Variants in RAD51B observed in about 807,000 individuals in gnomAD.
The protein encoded by RAD51B is DNA repair protein RAD51 homolog 2.
RAD51B carries 38 observed loss-of-function variants against 42.2 expected under a neutral mutation model. The ratio of observed to expected loss-of-function variants is 0.90; its 90% CI spans 0.70 to 1.18. The LOEUF (loss-of-function observed/expected upper bound fraction) is 1.18. Ranked by LOEUF, RAD51B falls within the 50% of genes most tolerant of loss-of-function variation. The pLI, the probability that RAD51B is intolerant of heterozygous loss-of-function variation, is 0.00. For missense variants in RAD51B, 373 were observed against 400.7 expected, an observed-to-expected ratio of 0.93 and a Z score of 0.59; for synonymous variants, 154 against 145.2, an observed-to-expected ratio of 1.06 and a Z score of -0.43.
Position 68,542,278 on chromosome 14 carries a change from A to C in RAD51B, c.1037-52207A>C, listed in dbSNP as rs1466874429. Among the ~76,000 whole-genome samples the C allele has an allele frequency of 2.0e-5, 3 of 152,106 alleles. No homozygotes were observed. The East Asian group carries it at 5.8e-4, about 29-fold the overall frequency. On this transcript the variant is annotated intron_variant, in intron 10 of 10. Transcript: ENST00000487270. ...TGGCTTGACTTCTTGTTACATGCAA[A>C]TATTTGGTCATTGTCTTCACTTTGT...
Position 67,864,768 on chromosome 14 carries a change from A to C in RAD51B, c.316-235A>C, listed in dbSNP as rs1331569792. ...AATACAGTGGATGATTTGAGTGACT[A>C]TTTTCTCAATTCCTCCAAGGATGGT... is the stretch of plus-strand genomic sequence containing the variant. On this transcript the variant is annotated intron_variant, in intron 4 of 10. Coordinates refer to ENST00000471583, the MANE Select transcript of RAD51B (RefSeq NM_133510.4). 3 of 676,634 alleles carry C rather than the reference A, an allele frequency of 4.4e-6. No individual in the cohort carries two copies. In the South Asian group the frequency reaches 4.5e-5, roughly 10 times the overall value. 41.9% of individuals were successfully genotyped at this position (676,634 alleles called of 1,614,324 possible).
intron 8 of RAD51B, among the ~76,000 whole-genome samples, chr14:68,369,836 T>C (rs1418959098): frequency 6.6e-6 from 1 of 152,142 alleles, no homozygotes; most frequent in Non-Finnish European, 1.5e-5. Flanking sequence ...ATACTATATA[T>C]CTATATCTGT....
chr14:67,923,715 T>C (rs2140140564), intron 7 of RAD51B, among the ~76,000 whole-genome samples: 1 of 152,350 alleles, frequency 6.6e-6, no homozygotes, highest in African/African-American at 2.4e-5. Flanking sequence ...TTTCATGTAA[T>C]GACTTCTTTT....
At chr14:68,567,386 T>C (rs908011199) in intron 10 of RAD51B, among the ~76,000 whole-genome samples, 15 of 152,170 alleles carry the variant, frequency 9.9e-5, no homozygotes, top group African/African-American at 3.4e-4. Flanking sequence ...AGAGTTCTCA[T>C]ATACCCCTGT....
chr14:68,386,425 T>C (rs1247611446), intron 8 of RAD51B, among the ~76,000 whole-genome samples: 1 of 152,216 alleles, frequency 6.6e-6, no homozygotes, highest in African/African-American at 2.4e-5. Context: ...AGCAATAACA[T>C]ACCTTTCCCC....
chr14:68,372,967 A>G (rs1174829381), intron 8 of RAD51B, among the ~76,000 whole-genome samples: 1 of 152,256 alleles, frequency 6.6e-6, no homozygotes, highest in Non-Finnish European at 1.5e-5. Context: ...TGAAAGAAGC[A>G]TAGTATGGAT....
chr14:68,467,134 G>A (rs1219527946), intron 9 of RAD51B, among the ~76,000 whole-genome samples: 1 of 152,124 alleles, frequency 6.6e-6, no homozygotes, highest in Non-Finnish European at 1.5e-5. Context: ...ATCTTCTTCA[G>A]TAGAAATACT....
intron 11 of RAD51B, among the ~76,000 whole-genome samples, chr14:68,668,892 A>G (rs552161809): frequency 1.7e-4 from 26 of 152,250 alleles, no homozygotes; most frequent in Non-Finnish European, 2.1e-4. Context: ...TAAAACTGGT[A>G]AAGTAATTGA....
At chr14:68,165,994 C>T (rs1566697902) in intron 7 of RAD51B, among the ~76,000 whole-genome samples, 2 of 151,978 alleles carry the variant, frequency 1.3e-5, no homozygotes, top group Non-Finnish European at 2.9e-5. Context: ...GGTGGCCTGG[C>T]ACAGTACCAT....
intron 8 of RAD51B, among the ~76,000 whole-genome samples, chr14:68,315,867 A>G (rs1229358473): frequency 1.3e-5 from 2 of 152,180 alleles, no homozygotes; most frequent in South Asian, 4.1e-4. Context: ...TTAATTTTCT[A>G]CTACTAGAAC....
At chr14:68,535,409 T>C (rs1887557857) in intron 10 of RAD51B, among the ~76,000 whole-genome samples, 2 of 141,634 alleles carry the variant, frequency 1.4e-5, no homozygotes, top group South Asian at 5.3e-4. Flanking sequence ...CCCCACATAT[T>C]GCCCTTCTTC....
chr14:68,452,732 A>G (rs1307944741), intron 9 of RAD51B, among the ~76,000 whole-genome samples: 1 of 151,868 alleles, frequency 6.6e-6, no homozygotes, highest in Non-Finnish European at 1.5e-5. Flanking sequence ...TCAGGTTCCT[A>G]TGACGTACCG....
Position 68,291,924 on chromosome 14 carries a change from C to T in RAD51B, c.797C>T (p.Ala266Val), listed in dbSNP as rs1478220195. Residue 266 changes from alanine to valine, a missense_variant, in exon 8 of 11, where the codon GCC becomes GTC. Transcript: ENST00000471583. ...CAGATTACAACCCATCTGAGTGGAG[C>T]CCTGGCTTCTCAGGCAGACCTGGTG... ...TNQITTHLSG[A>V]LASQADLVSP... is the part of the protein sequence containing the mutation. 1.2e-6 allele frequency: 2 copies of T among 1,613,742 alleles called. No homozygotes were observed. Among genetic ancestry groups the T allele is most frequent in the Non-Finnish European group, 1.7e-6 (2 of 1,179,804 alleles).
At chr14:68,588,506 A>C (rs1456493119) in intron 10 of RAD51B, among the ~76,000 whole-genome samples, 1 of 152,190 alleles carries the variant, frequency 6.6e-6, no homozygotes, top group Non-Finnish European at 1.5e-5. Flanking sequence ...TAAGATCCAG[A>C]GTGCCCCCAG....
intron 7 of RAD51B, among the ~76,000 whole-genome samples, chr14:68,227,701 A>G (rs542711906): frequency 2.0e-4 from 31 of 152,026 alleles, no homozygotes; most frequent in Non-Finnish European, 3.5e-4. Context: ...ACTGGGGTAT[A>G]TTTCTGTTTG....
intron 7 of RAD51B, among the ~76,000 whole-genome samples, chr14:67,996,052 T>G (rs1418856138): frequency 1.3e-5 from 2 of 151,410 alleles, no homozygotes; most frequent in Non-Finnish European, 1.5e-5. Context: ...GGGATGGGAG[T>G]TTGGGAGTGT....
chr14:68,312,796 C>T (rs1475284008), intron 8 of RAD51B, among the ~76,000 whole-genome samples: 1 of 152,122 alleles, frequency 6.6e-6, no homozygotes, highest in African/African-American at 2.4e-5. Flanking sequence ...AGAGCAATTT[C>T]GTTAGTATTG....
chr14:67,824,120 G>T (rs895439581), intron 2 of RAD51B, among the ~76,000 whole-genome samples: 11 of 152,162 alleles, frequency 7.2e-5, no homozygotes, highest in African/African-American at 2.2e-4. Context: ...TTGAGACTAG[G>T]TTCTCATGCT....
chr14:68,561,232 A>G (rs1889133609), intron 10 of RAD51B, among the ~76,000 whole-genome samples: 2 of 152,174 alleles, frequency 1.3e-5, no homozygotes, highest in Non-Finnish European at 2.9e-5. Context: ...ACGTATCCTA[A>G]TTCATTGGAA....
Sources: gnomAD v4.1 joint callset for allele counts (sites outside exome capture counted in the v4.1 genomes callset) on GRCh38, gnomAD v4.1.1 for gene constraint, MANE v1.5 for transcripts, NCBI Gene and HGNC (gene_info 2026-07-23, HGNC 2026-07-21) for gene names.